PBX1: variants seen among roughly 807,000 people sequenced by gnomAD.
The protein encoded by PBX1 is PBX homeobox 1.
A neutral mutation model predicts 53.4 loss-of-function variants in PBX1; 6 were observed. The ratio of observed to expected loss-of-function variants is 0.11; its 90% CI spans 0.06 to 0.22. The LOEUF (loss-of-function observed/expected upper bound fraction) is 0.22, where lower values mean the gene tolerates loss of function less well. Among genes scored for constraint, PBX1 ranks in the 10% least tolerant of loss-of-function variants. The pLI, the probability that PBX1 is intolerant of heterozygous loss-of-function variation, is 1.00. For synonymous variants in PBX1, 204 were observed against 212.3 expected, an observed-to-expected ratio of 0.96 and a Z score of 0.34; for missense variants, 251 against 551.4, an observed-to-expected ratio of 0.46 and a Z score of 5.46.
chr1:164,729,984 A>T (rs1664895506), intron 2 of PBX1, among the ~76,000 whole-genome samples: 1 of 152,202 alleles, frequency 6.6e-6, no homozygotes, highest in Non-Finnish European at 1.5e-5. Flanking sequence ...ATATTTAGAA[A>T]CAGACTTAGT....
chr1:164,632,244 A>G (rs1229641986), intron 2 of PBX1, among the ~76,000 whole-genome samples: 2 of 152,140 alleles, frequency 1.3e-5, no homozygotes, highest in African/African-American at 2.4e-5. Context: ...CCTCATTGAC[A>G]TGGCTGCACT....
intron 2 of PBX1, among the ~76,000 whole-genome samples, chr1:164,599,071 A>ATTTTTTT (rs375145672): frequency 3.4e-5 from 4 of 118,850 alleles, no homozygotes; most frequent in Admixed American, 9.5e-5. Flanking sequence ...TTTCCTCCTG[A>ATTTTTTT]TTTTTTTTTT....
intron 2 of PBX1, among the ~76,000 whole-genome samples, chr1:164,679,178 T>C (rs1661605533): frequency 6.6e-6 from 1 of 152,240 alleles, no homozygotes; most frequent in Non-Finnish European, 1.5e-5. Context: ...ATTTGTTTCC[T>C]AGGCTGGGCT....
chr1:164,739,749 G>C (rs1183854559), intron 2 of PBX1, among the ~76,000 whole-genome samples: 1 of 137,498 alleles, frequency 7.3e-6, no homozygotes, highest in Non-Finnish European at 1.6e-5. Context: ...TGAAGTGGTT[G>C]TGCATGTGTG....
intron 2 of PBX1, among the ~76,000 whole-genome samples, chr1:164,732,738 A>G (rs1665065575): frequency 6.6e-6 from 1 of 152,030 alleles, no homozygotes; most frequent in Non-Finnish European, 1.5e-5. Flanking sequence ...CTTATCTGTC[A>G]TGCCCTTTGA....
At chr1:164,841,160 C>G (rs991948786) in intron 8 of PBX1, among the ~76,000 whole-genome samples, 2 of 152,114 alleles carry the variant, frequency 1.3e-5, no homozygotes, top group Non-Finnish European at 2.9e-5. Flanking sequence ...TGGGGGCCTG[C>G]AGGAGGAAGA....
intron 2 of PBX1, among the ~76,000 whole-genome samples, chr1:164,871,051 C>T (rs537011903): frequency 6.6e-6 from 1 of 152,180 alleles, no homozygotes; most frequent in African/African-American, 2.4e-5. Context: ...TATGGCATAC[C>T]CTGCCTTATT....
At chr1:164,828,618 G>C (rs1339204030) in intron 8 of PBX1, 2 of 151,952 alleles carry the variant, frequency 1.3e-5, no homozygotes, top group Non-Finnish European at 2.9e-5. Flanking sequence ...AGTTGTTCCA[G>C]ACTCAAGTTG....
Position 164,876,132 on chromosome 1 carries a change from A to G in PBX1, n.258-23056A>G, listed in dbSNP as rs569101092. Among the ~76,000 whole-genome samples, 110 of 151,762 alleles carry G rather than the reference A, an allele frequency of 7.2e-4. 1 individual carries two copies. Among genetic ancestry groups the G allele is most frequent in the Non-Finnish European group, 1.3e-3 (88 of 67,892 alleles). ...ACCCTTGAATATTCCATTAGTGAGTAGTTAGATGAGGTAATAAATAAATTA... is the reference window on the plus strand; with the variant it reads ...ACCCTTGAATATTCCATTAGTGAGTGGTTAGATGAGGTAATAAATAAATTA... On this transcript the variant is annotated intron_variant and non_coding_transcript_variant, in intron 2 of 2. Transcript: ENST00000558796.
At chr1:164,621,928 A>G (rs964722667) in intron 2 of PBX1, among the ~76,000 whole-genome samples, 6 of 152,146 alleles carry the variant, frequency 3.9e-5, no homozygotes, top group Admixed American at 2.6e-4. Flanking sequence ...AATACGTTCT[A>G]TAAAACCAAG....
At chr1:164,857,758 A>G (rs1227182856) in intron 2 of PBX1, among the ~76,000 whole-genome samples, 1 of 152,152 alleles carries the variant, frequency 6.6e-6, no homozygotes, top group Admixed American at 6.6e-5. Flanking sequence ...ACCATAACTA[A>G]TTACCAGCCA....
intron 8 of PBX1, among the ~76,000 whole-genome samples, chr1:164,824,744 T>G (rs1670363554): frequency 6.6e-6 from 1 of 152,166 alleles, no homozygotes. Flanking sequence ...TGGGCAATAC[T>G]TACTAAGCTT....
At chr1:164,806,912 C>T (rs762186006) in intron 4 of PBX1, among the ~76,000 whole-genome samples, 57 of 152,134 alleles carry the variant, frequency 3.7e-4, no homozygotes, top group Non-Finnish European at 5.9e-5. Flanking sequence ...TTCACTTTCA[C>T]GGAAGAAGCT....
At position 164,559,799 on chromosome 1, in the gene PBX1, C is replaced by T. The variant is rs921304480; in HGVS notation, c.-24C>T. 2 of 1,525,284 alleles carry T rather than the reference C, an allele frequency of 1.3e-6. No homozygotes were observed. Among genetic ancestry groups the T allele is most frequent in the Non-Finnish European group, 1.8e-6 (2 of 1,134,050 alleles). The allele number at this position is 1,525,284 out of a possible 1,614,324, so 94.5% of individuals were successfully genotyped here. ...AGCCGAGGAGCAGAAGAGGAAGAGC[C>T]GGGGGCTGCCGTAGCCTTTGGAGAT... On this transcript the variant is annotated 5_prime_UTR_variant, in exon 1 of 9. Transcript: ENST00000420696.
chr1:164,659,043 C>T (rs917692816), intron 2 of PBX1, among the ~76,000 whole-genome samples: 8 of 152,194 alleles, frequency 5.3e-5, no homozygotes, highest in African/African-American at 1.9e-4. Context: ...ATATTAACCT[C>T]ATAGCACAGT....
At chr1:164,858,448 C>T (rs1672023438) in intron 2 of PBX1, among the ~76,000 whole-genome samples, 1 of 25,892 alleles carries the variant, frequency 3.9e-5, no homozygotes, top group African/African-American at 2.3e-4. Context: ...CCAGAGCCAG[C>T]ACACACACAC....
intron 2 of PBX1, among the ~76,000 whole-genome samples, chr1:164,876,533 T>A (rs1672515690): frequency 1.3e-5 from 2 of 151,216 alleles, no homozygotes; most frequent in Admixed American, 6.6e-5. Flanking sequence ...GGCTAATCTA[T>A]AAGTGGGGGC....
intron 8 of PBX1, among the ~76,000 whole-genome samples, chr1:164,822,809 G>A (rs1381281319): frequency 6.6e-6 from 1 of 152,164 alleles, no homozygotes; most frequent in African/African-American, 2.4e-5. Flanking sequence ...ACTAAGTAGT[G>A]GATTCAGAGA....
chr1:164,874,361 C>A, intron 2 of PBX1, among the ~76,000 whole-genome samples: 1 of 152,136 alleles, frequency 6.6e-6, no homozygotes, highest in East Asian at 1.9e-4. Context: ...TTTATGTAAG[C>A]ATATGTATTA....
Sources: gnomAD v4.1 joint callset for allele counts (sites outside exome capture counted in the v4.1 genomes callset) on GRCh38, gnomAD v4.1.1 for gene constraint, MANE v1.5 for transcripts, NCBI Gene and HGNC (gene_info 2026-07-23, HGNC 2026-07-21) for gene names.